The following GRM1 variants were observed in gnomAD, a reference collection of about 807,000 sequenced individuals.
The protein encoded by GRM1 is glutamate metabotropic receptor 1.
In GRM1, 33 loss-of-function variants were observed where a neutral mutation model predicts 90.9. The observed-to-expected ratio is 0.36, with a 90% CI of 0.28 to 0.49. The LOEUF (loss-of-function observed/expected upper bound fraction) is 0.49, where lower values mean the gene tolerates loss of function less well. Ranked by LOEUF, GRM1 falls within the 20% of genes least tolerant of loss-of-function variation. The probability of loss-of-function intolerance (pLI) is 0.99; values close to 1 mark genes in which losing one functional copy is unlikely to be tolerated. For synonymous variants in GRM1, 700 were observed against 613.2 expected, an observed-to-expected ratio of 1.14 and a Z score of -2.09; for missense variants, 1,190 against 1,534.3, an observed-to-expected ratio of 0.78 and a Z score of 3.75.
chr6:146,238,481 A>G (rs931731905), intron 2 of GRM1, among the ~76,000 whole-genome samples: 1 of 152,136 alleles, frequency 6.6e-6, no homozygotes, highest in African/African-American at 2.4e-5. Context: ...TGGACATGTG[A>G]TATGACTGGT....
chr6:146,134,509 C>T (rs1776533685), intron 1 of GRM1, among the ~76,000 whole-genome samples: 1 of 152,096 alleles, frequency 6.6e-6, no homozygotes, highest in African/African-American at 2.4e-5. Context: ...AGGAAACTTA[C>T]AATCATGGCA....
At chr6:146,105,134 G>A (rs990388957) in intron 1 of GRM1, among the ~76,000 whole-genome samples, 12 of 152,262 alleles carry the variant, frequency 7.9e-5, no homozygotes, top group African/African-American at 2.9e-4. Flanking sequence ...TTTAAAATAA[G>A]CAATTGGAAA....
chr6:146,219,001 A>T (rs1314827243), intron 2 of GRM1, among the ~76,000 whole-genome samples: 1 of 152,106 alleles, frequency 6.6e-6, no homozygotes, highest in Non-Finnish European at 1.5e-5. Context: ...GAGCTAAATT[A>T]TGTTATGTTT....
chr6:146,254,015 TAAACTAGATAGTGTGTATGTATAAGTTTG>T (rs1781393551), intron 2 of GRM1, among the ~76,000 whole-genome samples: 1 of 152,200 alleles, frequency 6.6e-6, no homozygotes, highest in African/African-American at 2.4e-5. Context: ...TTATGAGGTT[TAAACTAGATAGTGTGTATGTATAAGTTTG>T]AGGGTCCTTT....
chr6:146,194,883 T>C (rs1346174539), intron 2 of GRM1, among the ~76,000 whole-genome samples: 3 of 152,198 alleles, frequency 2.0e-5, no homozygotes, highest in South Asian at 4.1e-4. Flanking sequence ...GTAGTCTTGG[T>C]TCAAATTCTG....
intron 1 of GRM1, among the ~76,000 whole-genome samples, chr6:146,119,500 T>TA (rs1307894303): frequency 6.6e-6 from 1 of 152,074 alleles, no homozygotes; most frequent in Admixed American, 6.6e-5. Flanking sequence ...GTGTTTTAGA[T>TA]ATGAAGTCCT....
At chr6:146,335,126 G>T (rs376069540) in intron 3 of GRM1, among the ~76,000 whole-genome samples, 1 of 152,060 alleles carries the variant, frequency 6.6e-6, no homozygotes. Flanking sequence ...AACCCTTCCC[G>T]TTGACTGACA....
chr6:146,217,221 A>G (rs1444011087), intron 2 of GRM1, among the ~76,000 whole-genome samples: 1 of 152,220 alleles, frequency 6.6e-6, no homozygotes, highest in South Asian at 2.1e-4. Flanking sequence ...CTCATCCATT[A>G]TGACACACAG....
In GRM1 at chr6:146,386,990, G is replaced by C; in HGVS notation, c.1703G>C (p.Gly568Ala). The C allele has an allele frequency of 6.2e-7, 1 of 1,613,176 alleles. No homozygotes were observed. Among genetic ancestry groups the C allele is most frequent in the Non-Finnish European group, 8.5e-7 (1 of 1,179,270 alleles). The change falls in exon 6 of 8, where the codon GGA (glycine) becomes GCA (alanine). Residue 568 changes from glycine to alanine, a missense_variant. Around this residue, in one of 10 missense-constraint regions of GRM1, gnomAD observed 414 missense variants for 598.4 expected, o/e 0.69. Transcript: ENST00000282753. ...TTCACCTGCAAAGCTTGTGACTTGGGATGGTGGCCCAATGCAGATCTAACA... is the reference window on the plus strand; with the variant it reads ...TTCACCTGCAAAGCTTGTGACTTGGCATGGTGGCCCAATGCAGATCTAACA... ...DEFTCKACDL[G>A]WWPNADLTGC...
intron 2 of GRM1, among the ~76,000 whole-genome samples, chr6:146,186,954 GAAATAAC>G (rs1337776464): frequency 6.6e-6 from 1 of 152,134 alleles, no homozygotes; most frequent in Non-Finnish European, 1.5e-5. Flanking sequence ...TCTCTACCTA[GAAATAAC>G]AAATGTCAGT....
intron 3 of GRM1, among the ~76,000 whole-genome samples, chr6:146,324,083 A>T (rs1784308572): frequency 6.6e-6 from 1 of 152,168 alleles, no homozygotes; most frequent in East Asian, 1.9e-4. Flanking sequence ...TCTTTCAGAG[A>T]TTCCCTGCCC....
chr6:146,157,646 A>C (rs550844120), intron 1 of GRM1, among the ~76,000 whole-genome samples: 110 of 152,046 alleles, frequency 7.2e-4, no homozygotes, highest in Non-Finnish European at 1.4e-3. Context: ...AGGAAGGAGA[A>C]ATTGATTATC....
At chr6:146,280,795 T>C (rs1264369511) in intron 2 of GRM1, among the ~76,000 whole-genome samples, 3 of 151,742 alleles carry the variant, frequency 2.0e-5, no homozygotes, top group Non-Finnish European at 4.4e-5. Flanking sequence ...TAATTTTTTT[T>C]TCTTTCATTT....
chr6:146,124,351 C>A (rs1387674613), intron 1 of GRM1, among the ~76,000 whole-genome samples: 1 of 152,144 alleles, frequency 6.6e-6, no homozygotes, highest in Non-Finnish European at 1.5e-5. Context: ...ATAATTTCTT[C>A]ATTGCTGATT....
At chr6:146,222,489 G>A (rs1261225914) in intron 2 of GRM1, among the ~76,000 whole-genome samples, 3 of 152,000 alleles carry the variant, frequency 2.0e-5, no homozygotes, top group African/African-American at 7.2e-5. Context: ...ATAAATTCCA[G>A]TCTGAGTCTG....
chr6:146,037,978 C>G (rs886132632), intron 1 of GRM1, among the ~76,000 whole-genome samples: 4 of 151,956 alleles, frequency 2.6e-5, no homozygotes, highest in Admixed American at 2.6e-4. Context: ...ACTCTACCTC[C>G]ATATTTGTGC....
At chr6:146,086,921 G>A (rs1341123530) in intron 1 of GRM1, among the ~76,000 whole-genome samples, 1 of 151,956 alleles carries the variant, frequency 6.6e-6, no homozygotes, top group Non-Finnish European at 1.5e-5. Flanking sequence ...AGATACTCCA[G>A]TAATCTATTA....
Position 146,214,580 on chromosome 6 carries a change from G to A in GRM1, c.950+54983G>A, listed in dbSNP as rs548141874. Among the ~76,000 whole-genome samples the A allele has an allele frequency of 4.6e-4, 70 of 152,256 alleles. 1 individual carries two copies. The highest frequency in any genetic ancestry group is 3.3e-3 in the Admixed American group (51 of 15,288). ...GATATGATAAGTATCAATACAATAG[G>A]TCATAATTGTATTGTAGGTCAGAGA... On this transcript the variant is annotated intron_variant, in intron 2 of 7. Coordinates refer to ENST00000282753, the MANE Select transcript of GRM1 (RefSeq NM_001278064.2).
chr6:146,180,274 A>G (rs1326881652), intron 2 of GRM1, among the ~76,000 whole-genome samples: 1 of 152,036 alleles, frequency 6.6e-6, no homozygotes, highest in Non-Finnish European at 1.5e-5. Context: ...CAAACCATAT[A>G]AGAGATTTGC....
Sources: allele counts gnomAD v4.1 joint callset (sites outside exome capture counted in the v4.1 genomes callset), GRCh38; gene constraint gnomAD v4.1.1; regional missense constraint gnomAD v4.1.1; transcripts MANE v1.5; gene names NCBI Gene and HGNC (gene_info 2026-07-23, HGNC 2026-07-21).